RAD21: variants seen among roughly 807,000 people sequenced by gnomAD.
RAD21 encodes double-strand-break repair protein rad21 homolog.
Under a neutral mutation model 71.5 loss-of-function variants are expected in RAD21, and 18 were observed. The ratio of observed to expected loss-of-function variants is 0.25; its 90% CI spans 0.17 to 0.37. The LOEUF is 0.37. RAD21 is among the 10% of genes least tolerant of loss of function. The probability of loss-of-function intolerance (pLI) is 1.00; values close to 1 mark genes in which losing one functional copy is unlikely to be tolerated. For missense variants in RAD21, 493 were observed against 769.1 expected (o/e 0.64, Z 4.25); for synonymous variants, 248 against 254.0 (o/e 0.98, Z 0.22).
chr8:116,868,314 C>T (rs183829100), intron 1 of RAD21, among the ~76,000 whole-genome samples: 2 of 152,172 alleles, frequency 1.3e-5, no homozygotes, highest in Admixed American at 1.3e-4. Flanking sequence ...CAAGTTGTTA[C>T]GTTTATCAAT....
intron 1 of RAD21, among the ~76,000 whole-genome samples, chr8:116,867,738 T>C (rs1486718287): frequency 1.3e-5 from 2 of 152,182 alleles, no homozygotes; most frequent in African/African-American, 4.8e-5. Flanking sequence ...ATACATAAAA[T>C]TTTAATTTGA....
intron 13 of RAD21, among the ~76,000 whole-genome samples, chr8:116,848,221 G>T (rs1812283521): frequency 6.6e-6 from 1 of 152,184 alleles, no homozygotes. Context: ...TTAGGACAAA[G>T]ATTGCACTTT....
intron 1 of RAD21, among the ~76,000 whole-genome samples, chr8:116,873,444 TCCTG>T (rs1023437706): frequency 6.6e-6 from 1 of 152,210 alleles, no homozygotes; most frequent in Non-Finnish European, 1.5e-5. Context: ...AGAAACCTTC[TCCTG>T]CCTGTCTCCA....
intron 1 of RAD21, among the ~76,000 whole-genome samples, chr8:116,869,202 C>T (rs553090133): frequency 1.3e-3 from 203 of 152,120 alleles, no homozygotes; most frequent in African/African-American, 4.7e-3. Flanking sequence ...TATTTGTAAA[C>T]CACACATCTG....
rs776964947 is a variant in RAD21 at position 116,849,022 on chromosome 8, T to C, written c.1628A>G (p.Asp543Gly). The C allele has an allele frequency of 1.3e-6, 2 of 1,581,166 alleles. No homozygotes were observed. The highest frequency in any genetic ancestry group is 2.4e-5 in the South Asian group (2 of 84,484). The change falls in exon 13 of 14, where the codon GAT becomes GGT. Residue 543 changes from aspartate (D) to glycine (G), a missense_variant. Physicochemically the swap from Asp to Gly is moderately conservative, Grantham distance 94 (BLOSUM62 -1). Coordinates refer to ENST00000297338, the MANE Select transcript of RAD21 (RefSeq NM_006265.3). ...KEDDEEEEDE[D>G]ASGGDQDQEE... is the part of the protein sequence containing the mutation. Reference sequence around the variant, plus strand: ...CTGATCTTGATCGCCCCCTGATGCATCTTCATCCTGAATAAAAATGACCCC... The same window carrying C: ...CTGATCTTGATCGCCCCCTGATGCACCTTCATCCTGAATAAAAATGACCCC...
At position 116,850,688 on chromosome 8, in the gene RAD21, G is replaced by A; in HGVS notation, c.1550C>T (p.Pro517Leu). 1 of 1,613,022 alleles carries A rather than the reference G, an allele frequency of 6.2e-7. No homozygotes were observed. The highest frequency in any genetic ancestry group is 8.5e-7 in the Non-Finnish European group (1 of 1,179,240). Residue 517 changes from proline to leucine, a missense_variant, in exon 12 of 14, where the codon CCA becomes CTA. Physicochemically the swap from Pro to Leu is moderately conservative, Grantham distance 98. Coordinates refer to ENST00000297338, the MANE Select transcript of RAD21 (RefSeq NM_006265.3). ...TTTTTCTGGCAGAAGTTCTAACTCT[G>A]GTATTAGCTGACAGATATTTGGAGG... Reference protein sequence around the residue: ...EEPPNICQLIPELELLPEKEK... With the variant: ...EEPPNICQLILELELLPEKEK...
intron 1 of RAD21, 56 bp downstream of exon 1, chr8:116,874,555 G>A: frequency 3.5e-6 from 1 of 282,738 alleles, no homozygotes; most frequent in South Asian, 2.9e-5. Flanking sequence ...AGAGCGGCGG[G>A]GAAAGGGTGG....
chr8:116,866,482 C>A, intron 2 of RAD21, 104 bp downstream of exon 2: 1 of 993,176 alleles, frequency 1.0e-6, no homozygotes, highest in Non-Finnish European at 1.4e-6. Context: ...AAGGATTTTC[C>A]TTGCACTCCA....
In RAD21 at chr8:116,863,275, T is replaced by TA; in HGVS notation, c.145-17dup. The TA allele has an allele frequency of 6.3e-7, 1 of 1,599,574 alleles. No homozygotes were observed. On this transcript the variant is annotated splice_polypyrimidine_tract_variant and intron_variant, in intron 2 of 13. Coordinates refer to ENST00000297338, the MANE Select transcript of RAD21 (RefSeq NM_006265.3). Reference sequence around the variant, plus strand: ...CCATTTTCACCTATGAATAAAACATTAATCATATTCCAAAACCTGCATTTC... The same window carrying TA: ...CCATTTTCACCTATGAATAAAACATTAAATCATATTCCAAAACCTGCATTTC...
intron 13 of RAD21, 103 bp from the exon 14 acceptor site, chr8:116,847,794 C>A: frequency 1.8e-6 from 2 of 1,113,418 alleles, no homozygotes; most frequent in East Asian, 2.6e-5. Flanking sequence ...AAATCTCATG[C>A]TGAAACGTAA....
In RAD21 at chr8:116,856,292, TAAAAAAAA is replaced by T; in HGVS notation, c.815-12_815-5del. 1.3e-5 allele frequency: 15 copies of T among 1,174,390 alleles called. No individual in the cohort carries two copies. The highest frequency in any genetic ancestry group is 6.3e-5 in the South Asian group (2 of 31,590). The allele number at this position is 1,174,390 out of a possible 1,614,324, so 72.7% of individuals were successfully genotyped here. On this transcript the variant is annotated splice_polypyrimidine_tract_variant and splice_region_variant and intron_variant, in intron 7 of 13. Coordinates refer to ENST00000297338, the MANE Select transcript of RAD21 (RefSeq NM_006265.3). ...TCAGGACTATCAGGCCCACCCACTG[TAAAAAAAA>T]AAAAAAAAAAAAAAAGTCACAAAAA...
In RAD21 at chr8:116,847,647, C is replaced by T; in HGVS notation, c.1749G>A (p.Glu583=). The change falls in exon 14 of 14, where the codon GAG becomes GAA. Residue 583 remains glutamate, a synonymous_variant. Coordinates refer to ENST00000297338, the MANE Select transcript of RAD21 (RefSeq NM_006265.3). Reference sequence around the variant, plus strand: ...GTTTTCTGTTCGTATTTCGACATAACTCAAGCAAACTGATAGATTCAGCTC... The same window carrying T: ...GTTTTCTGTTCGTATTTCGACATAATTCAAGCAAACTGATAGATTCAGCTC... ...KTGAESISLL[E]LCRNTNRKQA... The T allele has an allele frequency of 6.2e-7, 1 of 1,613,924 alleles. No individual in the cohort carries two copies.
intron 2 of RAD21, among the ~76,000 whole-genome samples, chr8:116,864,509 C>G (rs549843625): frequency 2.0e-5 from 3 of 151,900 alleles, no homozygotes; most frequent in Non-Finnish European, 4.4e-5. Flanking sequence ...TTTTAGACAT[C>G]CAAAATTATA....
In RAD21 at chr8:116,846,382, AACAGTCAC is replaced by A. The variant is rs1812253538; in HGVS notation, c.*1110_*1117del. On this transcript the variant is annotated 3_prime_UTR_variant, in exon 14 of 14. Transcript: ENST00000297338. The stretch of plus-strand genomic sequence containing the variant: ...AAAGTTAAGACATTCTGATAATCAT[AACAGTCAC>A]ATGATTTCTGATGCTATCTGGTCTG... 4 of 229,662 alleles carry A rather than the reference AACAGTCAC, an allele frequency of 1.7e-5. No homozygotes were observed. The Admixed American group carries it at 2.3e-4, about 13-fold the overall frequency. The allele number at this position is 229,662 out of a possible 1,614,324, so 14.2% of individuals were successfully genotyped here.
chr8:116,856,540 T>C, intron 7 of RAD21, 106 bp downstream of exon 7: 1 of 1,305,468 alleles, frequency 7.7e-7, no homozygotes, highest in Admixed American at 2.6e-5. Flanking sequence ...TAAAGATATT[T>C]ATAATTCACT....
At chr8:116,859,356 TA>T (rs1008760722) in intron 4 of RAD21, among the ~76,000 whole-genome samples, 2 of 152,146 alleles carry the variant, frequency 1.3e-5, no homozygotes, top group African/African-American at 4.8e-5. Flanking sequence ...TTTTCATTAT[TA>T]TATTTGTTAT....
Position 116,852,721 on chromosome 8 carries a change from A to G in RAD21, c.1162-13T>C. ...AGCGTGTAAAGAGCTATTAAAAAAA[A>G]AAAAAAGAAAAATTTCAATTATAAA... On this transcript the variant is annotated splice_polypyrimidine_tract_variant and intron_variant, in intron 9 of 13. Transcript: ENST00000297338. 1 of 1,476,264 alleles carries G rather than the reference A, an allele frequency of 6.8e-7. No homozygotes were observed. The highest frequency in any genetic ancestry group is 9.0e-7 in the Non-Finnish European group (1 of 1,114,346). 91.4% of individuals were successfully genotyped at this position (1,476,264 alleles called of 1,614,324 possible).
chr8:116,854,329 T>C lies in RAD21; in HGVS notation c.1077A>G (p.Lys359=), dbSNP rs372737701. 1.9e-6 allele frequency: 3 copies of C among 1,613,904 alleles called. No homozygotes were observed. The highest frequency in any genetic ancestry group is 2.7e-5 in the African/African-American group (2 of 74,900). ...TTLDLAPPTK[K]LMMWKETGGV... ...CTCCTGTCTCTTTCCACATCATCAA[T>C]TTCTTGGTGGGCGGTGCCAGATCCA... The change falls in exon 9 of 14, where the codon AAA becomes AAG. Residue 359 remains lysine, a synonymous_variant. Transcript: ENST00000297338.
rs16924 is a variant in RAD21, at chr8:116,867,092, A to G, written c.-32-331T>C. On this transcript the variant is annotated intron_variant, in intron 1 of 13. Coordinates refer to ENST00000297338, the MANE Select transcript of RAD21 (RefSeq NM_006265.3). ...CCAAGAGCTAGAGAATATATTTTTC[A>G]TGGCAAGAAAAGAAAATCTATGAAG... 26,131 of 159,790 alleles carry G rather than the reference A, an allele frequency of 0.16. 2,630 individuals are homozygous for G. The highest frequency in any genetic ancestry group is 0.38 in the East Asian group (2,207 of 5,812). 9.9% of individuals were successfully genotyped at this position (159,790 alleles called of 1,614,324 possible).
Sources: gnomAD v4.1 joint callset for allele counts (sites outside exome capture counted in the v4.1 genomes callset) on GRCh38, gnomAD v4.1.1 for gene constraint, MANE v1.5 for transcripts, NCBI Gene and HGNC (gene_info 2026-07-23, HGNC 2026-07-21) for gene names.